The following ASIC1 variants were observed in gnomAD, a reference collection of about 807,000 sequenced individuals.
The protein encoded by ASIC1 is acid-sensing ion channel 1.
Under a neutral mutation model 63.4 loss-of-function variants are expected in ASIC1, and 21 were observed. The ratio of observed to expected loss-of-function variants is 0.33; its 90% CI spans 0.23 to 0.48. The LOEUF is 0.48. Ranked by LOEUF, ASIC1 falls within the 20% of genes least tolerant of loss-of-function variation. The pLI, the probability that ASIC1 is intolerant of heterozygous loss-of-function variation, is 0.99. For synonymous variants in ASIC1, 258 were observed against 278.2 expected, an observed-to-expected ratio of 0.93 and a Z score of 0.72; for missense variants, 478 against 695.5, an observed-to-expected ratio of 0.69 and a Z score of 3.52.
chr12:50,079,036 G>A (rs535422474), intron 7 of ASIC1, 56 bp downstream of exon 7: 188 of 1,549,814 alleles, frequency 1.2e-4, no homozygotes, highest in Non-Finnish European at 1.1e-4. Context: ...TGCCAGCCAC[G>A]TGCGCAGGAG....
rs1218229701 is a variant in ASIC1, at chr12:50,058,837, G to A, written c.71G>A (p.Ser24Asn). 1 of 1,612,946 alleles carries A rather than the reference G, an allele frequency of 6.2e-7. No individual in the cohort carries two copies. The highest frequency in any genetic ancestry group is 2.2e-5 in the East Asian group (1 of 44,840). The change falls in exon 2 of 12, where the codon AGC becomes AAC. Residue 24 changes from serine to asparagine, a missense_variant. Around this residue, in one of 3 missense-constraint regions of ASIC1, gnomAD observed 290 missense variants for 414.9 expected, o/e 0.70. Coordinates refer to ENST00000447966, the MANE Select transcript of ASIC1 (RefSeq NM_001095.4). ...GTGAGCATCCAGGCCTTCGCCAGCA[G>A]CTCCACACTGCACGGCCTGGCCCAC... is the stretch of plus-strand genomic sequence containing the variant. ...QPVSIQAFASSSTLHGLAHIF... is the reference protein window; with the variant it reads ...QPVSIQAFASNSTLHGLAHIF...
chr12:50,079,770 G>A, intron 7 of ASIC1, 132 bp from the exon 8 acceptor site: 2 of 1,126,678 alleles, frequency 1.8e-6, no homozygotes, highest in South Asian at 1.6e-5. Context: ...TAGCATCCAG[G>A]CAGGGTGAAG....
At chr12:50,077,425 T>C in intron 4 of ASIC1, 62 bp downstream of exon 4, 2 of 1,600,240 alleles carry the variant, frequency 1.2e-6, no homozygotes, top group Admixed American at 3.4e-5. Context: ...TGCCAGGGGA[T>C]TCCTGGGCTT....
chr12:50,068,795 T>G (rs1371631689), intron 3 of ASIC1, among the ~76,000 whole-genome samples: 1 of 151,928 alleles, frequency 6.6e-6, no homozygotes, highest in African/African-American at 2.4e-5. Flanking sequence ...TCACCTGCCT[T>G]GACAGGATCT....
chr12:50,075,741 C>T (rs944739873), intron 3 of ASIC1, among the ~76,000 whole-genome samples: 15 of 152,238 alleles, frequency 9.9e-5, no homozygotes, highest in African/African-American at 3.4e-4. Context: ...CTGCTCTGGG[C>T]TGTATTGACT....
chr12:50,080,722 G>A (rs755856039), intron 9 of ASIC1, 133 bp downstream of exon 9: 1 of 1,612,340 alleles, frequency 6.2e-7, no homozygotes, highest in Non-Finnish European at 8.5e-7. Flanking sequence ...AAACCCTGTT[G>A]TCTTGGTAAG....
At position 50,078,569 on chromosome 12, in the gene ASIC1, A is replaced by G; in HGVS notation, c.986A>G (p.His329Arg). Residue 329 changes from histidine (H) to arginine (R), a missense_variant, in exon 6 of 12, where the codon CAC (histidine) becomes CGC (arginine). By Grantham distance (29) the His-to-Arg change is conservative. Around this residue, in one of 3 missense-constraint regions of ASIC1, gnomAD observed 84 missense variants for 183.5 expected, o/e 0.46. Coordinates refer to ENST00000447966, the MANE Select transcript of ASIC1 (RefSeq NM_001095.4). The surrounding 1 kb of genome is among the most constrained non-coding windows in gnomAD (Gnocchi z 6.0). ...LVENCNCRMV[H>R]MPGDAPYCTP... ...GAGAACTGCAACTGCCGCATGGTGC[A>G]CATGCCAGGTCAGGCCTGGGGCTCC... 6.2e-7 allele frequency: 1 copy of G among 1,614,096 alleles called. No individual in the cohort carries two copies. Among genetic ancestry groups the G allele is most frequent in the Non-Finnish European group, 8.5e-7 (1 of 1,179,974 alleles).
rs1320084482 is a variant in ASIC1 at position 50,059,399 on chromosome 12, T to C, written c.362+271T>C. On this transcript the variant is annotated intron_variant, in intron 2 of 11. Transcript: ENST00000447966. The surrounding 1 kb of genome is among the most constrained non-coding windows in gnomAD (Gnocchi z 4.6). The stretch of plus-strand genomic sequence containing the variant: ...ATTGTCACCCTCTCTGGAGTGAGCT[T>C]TACCTTCATTCTGGCCACTCTGTCT... Among the ~76,000 whole-genome samples the C allele has an allele frequency of 6.6e-6, 1 of 152,168 alleles. No homozygotes were observed. The highest frequency in any genetic ancestry group is 1.5e-5 in the Non-Finnish European group (1 of 68,028).
chr12:50,080,029 G>A lies in ASIC1; in HGVS notation c.1179G>A (p.Lys393=). 6.2e-7 allele frequency: 1 copy of A among 1,613,650 alleles called. No individual in the cohort carries two copies. The highest frequency in any genetic ancestry group is 1.1e-5 in the South Asian group (1 of 91,018). Reference sequence around the variant, plus strand: ...CCTCAGCCAAGTACCTGGCCAAGAAGTTCAACAAATCTGAGCAATACATAG... The same window carrying A: ...CCTCAGCCAAGTACCTGGCCAAGAAATTCAACAAATCTGAGCAATACATAG... ...SKASAKYLAK[K]FNKSEQYIGE... Residue 393 remains lysine, a synonymous_variant, in exon 8 of 12, where the codon AAG becomes AAA. Coordinates refer to ENST00000447966, the MANE Select transcript of ASIC1 (RefSeq NM_001095.4).
intron 3 of ASIC1, among the ~76,000 whole-genome samples, chr12:50,067,410 G>GT (rs35238318): frequency 0.078 from 10,518 of 134,146 alleles, 611 homozygotes; most frequent in Middle Eastern, 0.12. Flanking sequence ...TTCTGCTGTT[G>GT]TTTTTTTTTT....
Position 50,059,867 on chromosome 12 carries a change from C to T in ASIC1, c.471C>T (p.Phe157=). The T allele has an allele frequency of 1.2e-6, 2 of 1,614,212 alleles. No homozygotes were observed. Among genetic ancestry groups the T allele is most frequent in the Non-Finnish European group, 1.7e-6 (2 of 1,180,034 alleles). The change falls in exon 3 of 12, where the codon TTC becomes TTT. Residue 157 remains phenylalanine, a synonymous_variant. Transcript: ENST00000447966. The surrounding 1 kb of genome is among the most constrained non-coding windows in gnomAD (Gnocchi z 4.6). ...FKPKPFNMRE[F]YDRAGHDIRD... is the part of the protein sequence containing the mutation. Reference sequence around the variant, plus strand: ...CCAAACCCTTCAACATGCGTGAGTTCTACGACCGAGCTGGGCACGACATTC... The same window carrying T: ...CCAAACCCTTCAACATGCGTGAGTTTTACGACCGAGCTGGGCACGACATTC...
At chr12:50,081,511 G>C (rs1489535877) in intron 11 of ASIC1, 34 bp from the exon 12 acceptor site, 1 of 1,610,652 alleles carries the variant, frequency 6.2e-7, no homozygotes. Context: ...CCTTCCGAGG[G>C]ATAACCCGTC....
In ASIC1 at chr12:50,083,065, G is replaced by C. The variant is rs1950737415; in HGVS notation, c.*1416G>C. The C allele has an allele frequency of 1.3e-5, 2 of 152,686 alleles. No individual in the cohort carries two copies. The highest frequency in any genetic ancestry group is 2.9e-5 in the Non-Finnish European group (2 of 68,140). 9.5% of individuals were successfully genotyped at this position (152,686 alleles called of 1,614,324 possible). On this transcript the variant is annotated 3_prime_UTR_variant, in exon 12 of 12. Transcript: ENST00000447966. ...TGTGTCAGAGACAGAAGGGAGCTGG[G>C]GATTGGCGACTCCTGAAGTTGGGGC...
At chr12:50,077,120 T>G in intron 3 of ASIC1, 93 bp from the exon 4 acceptor site, 2 of 1,588,602 alleles carry the variant, frequency 1.3e-6, no homozygotes, top group Non-Finnish European at 1.7e-6. Context: ...CCAAAGGGTG[T>G]TGAGATTCCA....
At chr12:50,076,942 A>G in intron 3 of ASIC1, 3 of 600,662 alleles carry the variant, frequency 5.0e-6, no homozygotes, top group South Asian at 4.6e-5. Flanking sequence ...CATTACCAAT[A>G]CCTCCCAACT....
In ASIC1 at chr12:50,078,189, G is replaced by A. The variant is rs892029800; in HGVS notation, c.837+62G>A. On this transcript the variant is annotated intron_variant, in intron 5 of 11. Transcript: ENST00000447966. The surrounding 1 kb of genome is among the most constrained non-coding windows in gnomAD (Gnocchi z 6.0). ...TATTGAGGGGTCCAGATGGAGTGGT[G>A]GGCAATCAGTAATGGGAAGGACAGG... is the stretch of plus-strand genomic sequence containing the variant. The A allele has an allele frequency of 2.5e-6, 4 of 1,572,340 alleles. No homozygotes were observed. Among genetic ancestry groups the A allele is most frequent in the Non-Finnish European group, 3.4e-6 (4 of 1,161,768 alleles).
rs1213218600 is a variant in ASIC1 at position 50,081,300 on chromosome 12, A to G, written c.1418A>G (p.Lys473Arg). ...CTGTGCCGACGAGGAAAATGCCAGA[A>G]GGAGGCCAAAAGGAGCAGTGCGGAC... ...HKLCRRGKCQ[K>R]EAKRSSADKG... Residue 473 changes from lysine to arginine, a missense_variant, in exon 11 of 12, where the codon AAG (lysine) becomes AGG (arginine). By Grantham distance (26) the Lys-to-Arg change is conservative. This residue lies in a region of ASIC1 where 104 missense variants were observed against 97.0 expected (regional missense o/e 1.07). Coordinates refer to ENST00000447966, the MANE Select transcript of ASIC1 (RefSeq NM_001095.4). The G allele has an allele frequency of 1.2e-6, 2 of 1,611,074 alleles. No individual in the cohort carries two copies. The highest frequency in any genetic ancestry group is 1.7e-6 in the Non-Finnish European group (2 of 1,178,780).
In ASIC1 at chr12:50,059,795, G is replaced by A; in HGVS notation, c.399G>A (p.Lys133=). 1.2e-6 allele frequency: 2 copies of A among 1,614,032 alleles called. No homozygotes were observed. Among genetic ancestry groups the A allele is most frequent in the Non-Finnish European group, 1.7e-6 (2 of 1,179,946 alleles). ...EIPDTQMADE[K]QLEILQDKAN... ...CAGACACACAGATGGCAGATGAAAA[G>A]CAGCTGGAGATACTGCAGGACAAAG... The change falls in exon 3 of 12, where the codon AAG becomes AAA. Residue 133 remains lysine (K), a synonymous_variant. Coordinates refer to ENST00000447966, the MANE Select transcript of ASIC1 (RefSeq NM_001095.4). The surrounding 1 kb of genome is among the most constrained non-coding windows in gnomAD (Gnocchi z 4.6).
Position 50,078,677 on chromosome 12 carries a change from C to A in ASIC1, c.994+100C>A. The A allele has an allele frequency of 1.3e-6, 2 of 1,520,692 alleles. No individual in the cohort carries two copies. Among genetic ancestry groups the A allele is most frequent in the Non-Finnish European group, 1.8e-6 (2 of 1,113,586 alleles). 94.2% of individuals were successfully genotyped at this position (1,520,692 alleles called of 1,614,324 possible). On this transcript the variant is annotated intron_variant, in intron 6 of 11. Transcript: ENST00000447966. The surrounding 1 kb of genome is among the most constrained non-coding windows in gnomAD (Gnocchi z 6.0). ...TCAATCTCCCAACCCCAGTTCCAGC[C>A]CACCCCATCCCACACCCACCTGGCT...
Sources: gnomAD v4.1 joint callset for allele counts (sites outside exome capture counted in the v4.1 genomes callset) on GRCh38, gnomAD v4.1.1 for gene constraint, gnomAD v4.1.1 regional missense constraint, Gnocchi (gnomAD v3.1) non-coding constraint, MANE v1.5 for transcripts, NCBI Gene and HGNC (gene_info 2026-07-23, HGNC 2026-07-21) for gene names.